The following DPP6 variants were observed in gnomAD, a reference collection of about 807,000 sequenced individuals.
DPP6 encodes the protein A-type potassium channel modulatory protein DPP6.
DPP6 carries 69 observed loss-of-function variants against 122.6 expected under a neutral mutation model. The ratio of observed to expected loss-of-function variants is 0.56; its 90% CI spans 0.46 to 0.69. DPP6 has a LOEUF of 0.69. Among genes scored for constraint, DPP6 ranks in the 30% least tolerant of loss-of-function variants. The pLI is 0.00. For synonymous variants in DPP6, 418 were observed against 433.1 expected (o/e 0.97, Z 0.43); for missense variants, 928 against 1,116.9 (o/e 0.83, Z 2.41).
intron 5 of DPP6, among the ~76,000 whole-genome samples, chr7:154,609,701 C>T (rs1833789181): frequency 6.6e-6 from 1 of 152,198 alleles, no homozygotes; most frequent in Admixed American, 6.5e-5. Context: ...ACAAACACTA[C>T]AGAACAAACT....
the DPP6 span, among the ~76,000 whole-genome samples, chr7:153,850,226 C>A: frequency 6.6e-6 from 1 of 152,100 alleles, no homozygotes; most frequent in South Asian, 2.1e-4. Context: ...AGGACTGTGG[C>A]CTTATCTTAG....
Position 154,494,684 on chromosome 7 carries a change from CTT to C in DPP6, c.457+19650_457+19651del, listed in dbSNP as rs574197833. Among the ~76,000 whole-genome samples the C allele has an allele frequency of 2.0e-5, 3 of 152,234 alleles. No homozygotes were observed. In the South Asian group the frequency reaches 6.2e-4, roughly 32 times the overall value. On this transcript the variant is annotated intron_variant, in intron 3 of 25. Coordinates refer to ENST00000377770, the MANE Select transcript of DPP6 (RefSeq NM_130797.4). ...TCCCTGATACCTCATTACCAAGACT[CTT>C]TTCTGCAAGAGAAAAGACGCTGAGT...
Position 154,735,270 on chromosome 7 carries a change from G to C in DPP6, c.883+7383G>C, listed in dbSNP as rs181383122. Among the ~76,000 whole-genome samples the C allele has an allele frequency of 2.4e-3, 367 of 150,736 alleles. 2 individuals carry two copies. Among genetic ancestry groups the C allele is most frequent in the African/African-American group, 8.6e-3 (347 of 40,138 alleles). ...AGTTGCCACTGATGCCTGACAGAGA[G>C]ACAGCTGTTTTCCTTTTATGAGCCC... On this transcript the variant is annotated intron_variant, in intron 8 of 25. Transcript: ENST00000377770.
chr7:154,338,964 C>G (rs1258611924), intron 1 of DPP6, among the ~76,000 whole-genome samples: 1 of 152,200 alleles, frequency 6.6e-6, no homozygotes, highest in East Asian at 1.9e-4. Context: ...TGTGCGGGTG[C>G]CAATCTGTCT....
chr7:154,791,820 G>T (rs556106193), intron 10 of DPP6, among the ~76,000 whole-genome samples: 50 of 152,304 alleles, frequency 3.3e-4, no homozygotes, highest in African/African-American at 1.0e-3. Context: ...CAGCCCCCTG[G>T]TTCCATCCAG....
chr7:154,030,159 G>A (rs952990882), intron 1 of DPP6, among the ~76,000 whole-genome samples: 5 of 152,162 alleles, frequency 3.3e-5, no homozygotes, highest in South Asian at 2.1e-4. Context: ...TAGCACCACC[G>A]CATTCCAGCC....
At chr7:153,964,940 TTTTC>T (rs750859970) in intron 1 of DPP6, among the ~76,000 whole-genome samples, 4 of 86,730 alleles carry the variant, frequency 4.6e-5, no homozygotes, top group South Asian at 3.2e-4. Context: ...CTTTCTTTCT[TTTTC>T]TTTCTTTCTC....
chr7:154,822,528 A>G (rs1799860809), intron 16 of DPP6, among the ~76,000 whole-genome samples: 1 of 152,288 alleles, frequency 6.6e-6, no homozygotes, highest in South Asian at 2.1e-4. Flanking sequence ...GAGGGACACA[A>G]ACATTCAAAC....
chr7:153,933,377 C>T (rs141382864), intron 1 of DPP6, among the ~76,000 whole-genome samples: 7 of 152,226 alleles, frequency 4.6e-5, no homozygotes, highest in African/African-American at 9.6e-5. Context: ...AAGGGAAGGA[C>T]GCTCCCCTTT....
chr7:153,862,972 C>T, the DPP6 span, among the ~76,000 whole-genome samples: 1 of 151,984 alleles, frequency 6.6e-6, no homozygotes, highest in African/African-American at 2.4e-5. Context: ...TATGAGCAGA[C>T]AGTTTACAGG....
At chr7:153,939,321 T>C (rs546898149) in intron 1 of DPP6, among the ~76,000 whole-genome samples, 20 of 152,370 alleles carry the variant, frequency 1.3e-4, no homozygotes, top group African/African-American at 3.8e-4. Context: ...ATTTCTCTTC[T>C]GACTGCCAAG....
Position 154,624,771 on chromosome 7 carries a change from G to A in DPP6, c.628-13050G>A, listed in dbSNP as rs930948928. Among the ~76,000 whole-genome samples, 3 of 152,154 alleles carry A rather than the reference G, an allele frequency of 2.0e-5. No individual in the cohort carries two copies. Among genetic ancestry groups the A allele is most frequent in the African/African-American group, 7.2e-5 (3 of 41,434 alleles). ...AAACCTGTTAATCTGCACCATGTCAGGGACCCCACCCCAGGATTCTTACCA... is the reference window on the plus strand; with the variant it reads ...AAACCTGTTAATCTGCACCATGTCAAGGACCCCACCCCAGGATTCTTACCA... On this transcript the variant is annotated intron_variant, in intron 5 of 25. Coordinates refer to ENST00000377770, the MANE Select transcript of DPP6 (RefSeq NM_130797.4). This position sits in a 1 kb window ranked among gnomAD's most constrained non-coding sequence, Gnocchi z 4.7.
rs542993138 is a variant in DPP6, at chr7:154,718,074, C to A, written c.763-9693C>A. Among the ~76,000 whole-genome samples the A allele has an allele frequency of 1.5e-3, 234 of 152,218 alleles. 1 individual carries two copies. The highest frequency in any genetic ancestry group is 5.2e-3 in the African/African-American group (218 of 41,556). On this transcript the variant is annotated intron_variant, in intron 7 of 25. Coordinates refer to ENST00000377770, the MANE Select transcript of DPP6 (RefSeq NM_130797.4). The stretch of plus-strand genomic sequence containing the variant: ...TCTTTTGGAAAATGTCTATTCAGTT[C>A]TTTTGCCCATTTTTTAATCAAATGA...
chr7:154,565,546 A>C (rs1227943992), intron 4 of DPP6, among the ~76,000 whole-genome samples: 2 of 151,792 alleles, frequency 1.3e-5, no homozygotes, highest in Non-Finnish European at 2.9e-5. Context: ...TCTTTTGGAG[A>C]TGGAGTGTCG....
chr7:154,380,231 G>A (rs996339913), intron 1 of DPP6, among the ~76,000 whole-genome samples: 1 of 152,176 alleles, frequency 6.6e-6, no homozygotes, highest in Non-Finnish European at 1.5e-5. Flanking sequence ...TAAAAGAGGG[G>A]TAAGAGTAGG....
chr7:154,592,929 G>T (rs972107269), intron 5 of DPP6, among the ~76,000 whole-genome samples: 5 of 152,140 alleles, frequency 3.3e-5, no homozygotes, highest in Admixed American at 2.0e-4. Flanking sequence ...ACCCCATTTG[G>T]CAGGCTGGCT....
At chr7:154,081,954 C>T (rs1174019787) in intron 1 of DPP6, among the ~76,000 whole-genome samples, 4 of 152,270 alleles carry the variant, frequency 2.6e-5, no homozygotes, top group African/African-American at 4.8e-5. Flanking sequence ...TTCTTGGGGA[C>T]GTCTCCCTAC....
At chr7:153,762,203 A>C in the DPP6 span, among the ~76,000 whole-genome samples, 1 of 152,224 alleles carries the variant, frequency 6.6e-6, no homozygotes, top group Non-Finnish European at 1.5e-5. Context: ...TTGTATTTGT[A>C]ACCACGGAGA....
Position 153,965,034 on chromosome 7 carries a change from T to TTCTTTCTC in DPP6, c.51+77303_51+77310dup, listed in dbSNP as rs1795620882. Among the ~76,000 whole-genome samples, 17 of 147,724 alleles carry TTCTTTCTC rather than the reference T, an allele frequency of 1.2e-4. No individual in the cohort carries two copies. In the South Asian group the frequency reaches 3.8e-3, roughly 33 times the overall value. The stretch of plus-strand genomic sequence containing the variant: ...TTCCTTCCTTCCTTCCTTCCTTCCT[T>TTCTTTCTC]TCTTTCTCTCAGAATTCAGACTTTG... On this transcript the variant is annotated intron_variant, in intron 1 of 25. Transcript: ENST00000404039.
Sources: allele counts gnomAD v4.1 joint callset (sites outside exome capture counted in the v4.1 genomes callset), GRCh38; gene constraint gnomAD v4.1.1; non-coding constraint Gnocchi (gnomAD v3.1); transcripts MANE v1.5; gene names NCBI Gene and HGNC (gene_info 2026-07-23, HGNC 2026-07-21).